Variants in VSNL1 observed in about 807,000 individuals in gnomAD.
The protein encoded by VSNL1 is visinin-like protein 1.
VSNL1 carries 6 observed loss-of-function variants against 20.4 expected under a neutral mutation model. The ratio of observed to expected loss-of-function variants is 0.29; its 90% CI spans 0.16 to 0.58. VSNL1 has a LOEUF of 0.58. Among genes scored for constraint, VSNL1 ranks in the 20% least tolerant of loss-of-function variants. The pLI is 0.90. For synonymous variants in VSNL1, 93 were observed against 86.4 expected (o/e 1.08, Z -0.42); for missense variants, 100 against 234.5 (o/e 0.43, Z 3.75).
intron 2 of VSNL1, among the ~76,000 whole-genome samples, chr2:17,602,775 AT>A (rs1664852049): frequency 6.6e-6 from 1 of 151,482 alleles, no homozygotes; most frequent in African/African-American, 2.4e-5. Context: ...AAATAAAAAA[AT>A]AAAATAAAAT....
At chr2:17,642,301 G>A (rs1665897105) in intron 2 of VSNL1, among the ~76,000 whole-genome samples, 1 of 94,098 alleles carries the variant, frequency 1.1e-5, no homozygotes, top group Admixed American at 9.3e-5. Context: ...TTCCCATGGT[G>A]AGCATTCCTT....
intron 2 of VSNL1, among the ~76,000 whole-genome samples, chr2:17,605,488 G>A (rs1664924579): frequency 6.6e-6 from 1 of 152,234 alleles, no homozygotes. Flanking sequence ...TAAGCCAGCA[G>A]AGGAGGAAAC....
chr2:17,559,994 A>T (rs1452960764), intron 1 of VSNL1, among the ~76,000 whole-genome samples: 1 of 151,990 alleles, frequency 6.6e-6, no homozygotes, highest in South Asian at 2.1e-4. Flanking sequence ...TATCAGATAA[A>T]TTACAAAAAA....
At chr2:17,557,402 C>T (rs1663711403) in intron 1 of VSNL1, among the ~76,000 whole-genome samples, 2 of 152,146 alleles carry the variant, frequency 1.3e-5, no homozygotes, top group Admixed American at 1.3e-4. Context: ...TAATCCCTGC[C>T]TTCATGGAGA....
At position 17,649,349 on chromosome 2, in the gene VSNL1, T is replaced by C. The variant is rs1460993512; in HGVS notation, c.163-61T>C. ...ACCTGTGATGCCGTCATTAGGAACC[T>C]ACCTCGTCGCCCCGATTCCATCCCC... On this transcript the variant is annotated intron_variant, in intron 2 of 3. Transcript: ENST00000295156. This position sits in a 1 kb window ranked among gnomAD's most constrained non-coding sequence, Gnocchi z 6.4. The C allele has an allele frequency of 1.3e-6, 2 of 1,538,690 alleles. No individual in the cohort carries two copies. Among genetic ancestry groups the C allele is most frequent in the African/African-American group, 2.7e-5 (2 of 73,254 alleles).
At chr2:17,612,416 G>A (rs186227568) in intron 2 of VSNL1, among the ~76,000 whole-genome samples, 1 of 152,332 alleles carries the variant, frequency 6.6e-6, no homozygotes, top group Admixed American at 6.5e-5. Flanking sequence ...CTGAGGTTGG[G>A]GCTGACTGTG....
chr2:17,568,263 CTTTG>C (rs891188778), intron 1 of VSNL1, among the ~76,000 whole-genome samples: 94 of 151,974 alleles, frequency 6.2e-4, no homozygotes, highest in African/African-American at 2.2e-3. Context: ...AACAATTCGG[CTTTG>C]TTTGTTTGTT....
chr2:17,583,991 G>C (rs1193894722), intron 1 of VSNL1, among the ~76,000 whole-genome samples: 1 of 152,166 alleles, frequency 6.6e-6, no homozygotes, highest in Non-Finnish European at 1.5e-5. Flanking sequence ...GGAAGGCACT[G>C]TTGGAAAAAA....
intron 2 of VSNL1, among the ~76,000 whole-genome samples, chr2:17,599,158 A>C (rs1284296791): frequency 6.6e-6 from 1 of 152,202 alleles, no homozygotes; most frequent in Non-Finnish European, 1.5e-5. Flanking sequence ...CCTATAGTGA[A>C]GATAGGGTAA....
chr2:17,568,364 C>G (rs1468707672), intron 1 of VSNL1, among the ~76,000 whole-genome samples: 1 of 152,066 alleles, frequency 6.6e-6, no homozygotes, highest in African/African-American at 2.4e-5. Context: ...ACCTTCCAGC[C>G]TCTGGTGATT....
chr2:17,581,705 C>T (rs983472094), intron 1 of VSNL1, among the ~76,000 whole-genome samples: 16 of 152,154 alleles, frequency 1.1e-4, no homozygotes, highest in Admixed American at 3.3e-4. Flanking sequence ...TTCCTCATGA[C>T]ACTGCTTTTC....
chr2:17,560,301 G>A (rs1010506989), intron 1 of VSNL1, among the ~76,000 whole-genome samples: 7 of 151,618 alleles, frequency 4.6e-5, no homozygotes, highest in Non-Finnish European at 8.8e-5. Context: ...TTGTCTGGAA[G>A]GCTGCATTCT....
At chr2:17,586,801 A>G (rs1170800773) in intron 1 of VSNL1, among the ~76,000 whole-genome samples, 2 of 152,222 alleles carry the variant, frequency 1.3e-5, no homozygotes, top group Non-Finnish European at 2.9e-5. Flanking sequence ...GCAGAGAAGT[A>G]TCATGGAGAA....
At position 17,552,193 on chromosome 2, in the gene VSNL1, C is replaced by A. The variant is rs1445040140; in HGVS notation, c.-6+11275C>A. Among the ~76,000 whole-genome samples the A allele has an allele frequency of 2.8e-4, 35 of 126,794 alleles. No individual in the cohort carries two copies. The Admixed American group carries it at 2.9e-3, about 11-fold the overall frequency. The allele number at this position is 126,794 out of a possible 152,430, so 83.2% of individuals were successfully genotyped here. A position where few individuals can be genotyped will look rare whatever the true frequency, so the allele number is the denominator to read the frequency against. On this transcript the variant is annotated intron_variant, in intron 1 of 3. Coordinates refer to ENST00000295156, the MANE Select transcript of VSNL1 (RefSeq NM_003385.5). ...CCAGCCTGGGCGACAGAGCGAGATTCCATCTCAAAAAAAAAAAAACAAAAA... is the reference window on the plus strand; with the variant it reads ...CCAGCCTGGGCGACAGAGCGAGATTACATCTCAAAAAAAAAAAAACAAAAA...
At chr2:17,616,867 G>T (rs1184414863) in intron 2 of VSNL1, among the ~76,000 whole-genome samples, 1 of 152,130 alleles carries the variant, frequency 6.6e-6, no homozygotes, top group Non-Finnish European at 1.5e-5. Flanking sequence ...GGCCTCAGGG[G>T]GTGAGCTGGT....
At position 17,542,309 on chromosome 2, in the gene VSNL1, A is replaced by G. The variant is rs1475238260; in HGVS notation, c.-6+1391A>G. 2.0e-5 allele frequency among the ~76,000 whole-genome samples: 3 copies of G among 152,160 alleles called. No homozygotes were observed. The East Asian group carries it at 5.8e-4, about 29-fold the overall frequency. The stretch of plus-strand genomic sequence containing the variant: ...CCTTGGGTATTTAATAACCCCAGAA[A>G]ATGCTGCACTGAAGCAGGTTGGCAG... On this transcript the variant is annotated intron_variant, in intron 1 of 3. Transcript: ENST00000295156.
intron 2 of VSNL1, among the ~76,000 whole-genome samples, chr2:17,644,663 G>T (rs1412891924): frequency 1.3e-5 from 2 of 152,188 alleles, no homozygotes; most frequent in East Asian, 3.9e-4. Flanking sequence ...CCAGAAAAAT[G>T]ACCCTCCTGC....
At chr2:17,605,534 A>G (rs538297974) in intron 2 of VSNL1, among the ~76,000 whole-genome samples, 1 of 152,370 alleles carries the variant, frequency 6.6e-6, no homozygotes, top group Admixed American at 6.5e-5. Flanking sequence ...GCAGCTGGTA[A>G]CAGCCTTGAA....
intron 1 of VSNL1, among the ~76,000 whole-genome samples, chr2:17,574,405 G>A (rs540673030): frequency 9.2e-5 from 14 of 152,254 alleles, no homozygotes; most frequent in African/African-American, 3.4e-4. Flanking sequence ...GGTTTCAGAA[G>A]TGTCTGCCCC....
Sources: gnomAD v4.1 joint callset for allele counts (sites outside exome capture counted in the v4.1 genomes callset) on GRCh38, gnomAD v4.1.1 for gene constraint, Gnocchi (gnomAD v3.1) non-coding constraint, MANE v1.5 for transcripts, NCBI Gene and HGNC (gene_info 2026-07-23, HGNC 2026-07-21) for gene names.